The following DYNC1I2 variants were observed in gnomAD, a reference collection of about 807,000 sequenced individuals.
DYNC1I2 encodes cytoplasmic dynein 1 intermediate chain 2.
In DYNC1I2, 53 loss-of-function variants were observed where a neutral mutation model predicts 88.6. That is an observed-to-expected ratio of 0.60 (90% CI 0.48 to 0.75). The LOEUF (loss-of-function observed/expected upper bound fraction) is 0.75, where lower values mean the gene tolerates loss of function less well. DYNC1I2 is among the 30% of genes least tolerant of loss of function. DYNC1I2 has a pLI of 0.00. For synonymous variants in DYNC1I2, 198 were observed against 254.6 expected (o/e 0.78, Z 2.12); for missense variants, 458 against 766.6 (o/e 0.60, Z 4.75).
Position 171,725,693 on chromosome 2 carries a change from A to T in DYNC1I2, c.587A>T (p.Asp196Val). 6.3e-7 allele frequency: 1 copy of T among 1,576,052 alleles called. No individual in the cohort carries two copies. The highest frequency in any genetic ancestry group is 1.2e-5 in the South Asian group (1 of 83,800). The change falls in exon 8 of 18, where the codon GAT (aspartate) becomes GTT (valine). Residue 196 changes from aspartate (D) to valine (V), a missense_variant. Asp to Val is a radical substitution (Grantham distance 152). Around this residue, in one of 5 missense-constraint regions of DYNC1I2, gnomAD observed 203 missense variants for 354.2 expected, o/e 0.57. Transcript: ENST00000397119. Reference protein sequence around the residue: ...EPEEEKTLKKDEENDSKAPPH... With the variant: ...EPEEEKTLKKVEENDSKAPPH... Reference sequence around the variant, plus strand: ...GAAGAAGAGAAAACTTTAAAGAAAGATGAGGAAAATGATAGTAAAGGTATC... The same window carrying T: ...GAAGAAGAGAAAACTTTAAAGAAAGTTGAGGAAAATGATAGTAAAGGTATC...
chr2:171,701,248 C>G (rs993904162), intron 3 of DYNC1I2, among the ~76,000 whole-genome samples: 57 of 152,218 alleles, frequency 3.7e-4, no homozygotes, highest in African/African-American at 1.3e-3. Flanking sequence ...TGCAGTGGCA[C>G]GATCTCCACC....
At chr2:171,703,115 C>G (rs971012620) in intron 3 of DYNC1I2, among the ~76,000 whole-genome samples, 6 of 152,212 alleles carry the variant, frequency 3.9e-5, no homozygotes, top group Admixed American at 1.3e-4. Flanking sequence ...ATTTTTACCT[C>G]TGGTGCCATC....
intron 17 of DYNC1I2, among the ~76,000 whole-genome samples, 180 bp downstream of exon 17, chr2:171,746,107 T>C (rs1368584393): frequency 6.6e-6 from 1 of 152,238 alleles, no homozygotes; most frequent in Non-Finnish European, 1.5e-5. Context: ...CTAAACCGAA[T>C]GTTCTGTTTC....
Position 171,728,244 on chromosome 2 carries a change from T to C in DYNC1I2, c.1144-61T>C, listed in dbSNP as rs1160047905. The C allele has an allele frequency of 3.9e-6, 4 of 1,025,690 alleles. No homozygotes were observed. The East Asian group carries it at 8.1e-5, about 21-fold the overall frequency. The allele number at this position is 1,025,690 out of a possible 1,614,324, so 63.5% of individuals were successfully genotyped here. On this transcript the variant is annotated intron_variant, in intron 12 of 17. Coordinates refer to ENST00000397119, the MANE Select transcript of DYNC1I2 (RefSeq NM_001378.3). ...ATAAACAGAATGCTTATAATTAGAC[T>C]AAAAATTTTGTTTTGCTTTTTGGTA...
At chr2:171,734,259 G>A (rs552635253) in intron 15 of DYNC1I2, among the ~76,000 whole-genome samples, 5 of 152,166 alleles carry the variant, frequency 3.3e-5, no homozygotes, top group African/African-American at 9.6e-5. Flanking sequence ...CCTTATATAC[G>A]TTAATAATAG....
At chr2:171,725,543 G>T (rs1688178690) in intron 7 of DYNC1I2, 75 bp from the exon 8 acceptor site, 1 of 972,926 alleles carries the variant, frequency 1.0e-6, no homozygotes, top group Non-Finnish European at 1.5e-6. Context: ...AAAGTTACCA[G>T]CTATTTTCAT....
rs996466924 is a variant in DYNC1I2 at position 171,744,149 on chromosome 2, T to G, written c.1637T>G (p.Met546Arg). 6.8e-6 allele frequency: 11 copies of G among 1,612,974 alleles called. No homozygotes were observed. The highest frequency in any genetic ancestry group is 8.5e-6 in the Non-Finnish European group (10 of 1,179,578). ...GCCCTGTTTGCCTGTGTGGATGGCA[T>G]GGGGAGATTGGATTTGTGGAATCTC... ...HPALFACVDG[M>R]GRLDLWNLNN... Residue 546 changes from methionine (M) to arginine (R), a missense_variant, in exon 16 of 18, where the codon ATG becomes AGG. By Grantham distance (91) the Met-to-Arg change is moderately conservative. Coordinates refer to ENST00000397119, the MANE Select transcript of DYNC1I2 (RefSeq NM_001378.3).
chr2:171,693,767 CA>C (rs2105463874), intron 3 of DYNC1I2, among the ~76,000 whole-genome samples: 1 of 152,304 alleles, frequency 6.6e-6, no homozygotes, highest in African/African-American at 2.4e-5. Flanking sequence ...TTATTTCTTT[CA>C]GCTCATTTTC....
chr2:171,707,398 A>C (rs779905851), intron 5 of DYNC1I2, 21 bp downstream of exon 5: 5 of 1,599,744 alleles, frequency 3.1e-6, no homozygotes, highest in Non-Finnish European at 4.3e-6. Context: ...TTTCCTTTTA[A>C]TGTTTTAATG....
intron 3 of DYNC1I2, among the ~76,000 whole-genome samples, chr2:171,694,589 A>G (rs1404820130): frequency 6.6e-6 from 1 of 152,080 alleles, no homozygotes; most frequent in Non-Finnish European, 1.5e-5. Context: ...CCTGGGAGGC[A>G]GAGGTTGTGG....
chr2:171,697,111 T>C (rs1685828294), intron 3 of DYNC1I2, among the ~76,000 whole-genome samples: 1 of 151,960 alleles, frequency 6.6e-6, no homozygotes, highest in Non-Finnish European at 1.5e-5. Flanking sequence ...AGCGATCCTC[T>C]CACCTCAGCC....
At chr2:171,735,974 T>C (rs2105744052) in intron 15 of DYNC1I2, among the ~76,000 whole-genome samples, 1 of 152,318 alleles carries the variant, frequency 6.6e-6, no homozygotes, top group African/African-American at 2.4e-5. Flanking sequence ...GGGGGAGTTT[T>C]CACACTTTTG....
At chr2:171,716,538 G>A (rs1422680395) in intron 7 of DYNC1I2, among the ~76,000 whole-genome samples, 2 of 152,128 alleles carry the variant, frequency 1.3e-5, no homozygotes, top group African/African-American at 4.8e-5. Context: ...AAGCAAAAGT[G>A]AGGAGAAATC....
chr2:171,725,601 T>TG lies in DYNC1I2; in HGVS notation c.512-17_512-16insG, dbSNP rs35175731. 304,771 of 1,276,484 alleles carry TG rather than the reference T, an allele frequency of 0.24. 19,655 individuals are homozygous for TG. The highest frequency in any genetic ancestry group is 0.28 in the African/African-American group (17,814 of 62,748). 79.1% of individuals were successfully genotyped at this position (1,276,484 alleles called of 1,614,324 possible). ...CTGTTTTTTTGTTTTTTTGTTTGTT[T>TG]TTTTTTTTTTTTTCAGATGAAGAGG... On this transcript the variant is annotated splice_polypyrimidine_tract_variant and intron_variant, in intron 7 of 17. Coordinates refer to ENST00000397119, the MANE Select transcript of DYNC1I2 (RefSeq NM_001378.3).
chr2:171,748,440 C>A lies in DYNC1I2; in HGVS notation c.*551C>A, dbSNP rs1005368403. On this transcript the variant is annotated 3_prime_UTR_variant, in exon 18 of 18. Coordinates refer to ENST00000397119, the MANE Select transcript of DYNC1I2 (RefSeq NM_001378.3). ...TTCAAATTTTCATTTTTACTCCTTACAACTTGAATTTTTCCATCTTTTATA... is the reference window on the plus strand; with the variant it reads ...TTCAAATTTTCATTTTTACTCCTTAAAACTTGAATTTTTCCATCTTTTATA... 2 of 152,132 alleles carry A rather than the reference C, an allele frequency of 1.3e-5. No homozygotes were observed. Among genetic ancestry groups the A allele is most frequent in the Admixed American group, 1.3e-4 (2 of 15,282 alleles). 9.4% of individuals were successfully genotyped at this position (152,132 alleles called of 1,614,324 possible).
At chr2:171,715,214 T>G in intron 6 of DYNC1I2, 114 bp from the exon 7 acceptor site, 1 of 592,048 alleles carries the variant, frequency 1.7e-6, no homozygotes, top group South Asian at 3.5e-5. Flanking sequence ...ATTTCTTGAA[T>G]AAAATGGATT....
intron 4 of DYNC1I2, chr2:171,707,070 C>A: frequency 3.1e-6 from 2 of 654,286 alleles, no homozygotes; most frequent in Non-Finnish European, 2.6e-6. Flanking sequence ...ATGCATTTTG[C>A]CAGAAAAATT....
At position 171,726,820 on chromosome 2, in the gene DYNC1I2, C is replaced by A. The variant is rs1688290486; in HGVS notation, c.900C>A (p.Asn300Lys). 6.2e-7 allele frequency: 1 copy of A among 1,613,152 alleles called. No individual in the cohort carries two copies. Among genetic ancestry groups the A allele is most frequent in the Non-Finnish European group, 8.5e-7 (1 of 1,179,354 alleles). ...QYPELLVASY[N>K]NNEDAPHEPD... ...CGGAGTTACTCGTGGCTTCCTATAA[C>A]AACAATGAAGATGCCCCTCATGAGC... The change falls in exon 11 of 18, where the codon AAC becomes AAA. Residue 300 changes from asparagine to lysine, a missense_variant. Asn to Lys is a moderately conservative substitution (Grantham distance 94, BLOSUM62 0). Coordinates refer to ENST00000397119, the MANE Select transcript of DYNC1I2 (RefSeq NM_001378.3).
intron 3 of DYNC1I2, among the ~76,000 whole-genome samples, chr2:171,701,368 C>T (rs1686247075): frequency 6.6e-6 from 1 of 152,110 alleles, no homozygotes; most frequent in African/African-American, 2.4e-5. Context: ...CGGGGTTTCA[C>T]CATGTTGGCC....
Sources: gnomAD v4.1 joint callset for allele counts (sites outside exome capture counted in the v4.1 genomes callset) on GRCh38, gnomAD v4.1.1 for gene constraint, gnomAD v4.1.1 regional missense constraint, MANE v1.5 for transcripts, NCBI Gene and HGNC (gene_info 2026-07-23, HGNC 2026-07-21) for gene names.